The following NTM variants were observed in gnomAD, a reference collection of about 807,000 sequenced individuals.
NTM encodes IgLON family member 2.
NTM carries 13 observed loss-of-function variants against 42.1 expected under a neutral mutation model. The ratio of observed to expected loss-of-function variants is 0.31; its 90% CI spans 0.20 to 0.49. The LOEUF is 0.49. Ranked by LOEUF, NTM falls within the 20% of genes least tolerant of loss-of-function variation. The probability of loss-of-function intolerance (pLI) is 0.99; values close to 1 mark genes in which losing one functional copy is unlikely to be tolerated. For synonymous variants in NTM, 187 were observed against 179.2 expected, an observed-to-expected ratio of 1.04 and a Z score of -0.35; for missense variants, 373 against 452.8, an observed-to-expected ratio of 0.82 and a Z score of 1.60.
intron 4 of NTM, among the ~76,000 whole-genome samples, chr11:132,261,923 C>A (rs567159110): frequency 2.0e-5 from 3 of 152,340 alleles, no homozygotes; most frequent in South Asian, 4.1e-4. Flanking sequence ...CCATCGACAG[C>A]TGCAGATCCA....
At chr11:131,480,038 A>G (rs1275755765) in intron 1 of NTM, among the ~76,000 whole-genome samples, 1 of 151,574 alleles carries the variant, frequency 6.6e-6, no homozygotes, top group Non-Finnish European at 1.5e-5. Flanking sequence ...TCCTAGCTTT[A>G]TTTAAACTTT....
At chr11:131,654,538 T>C (rs1046511705) in intron 1 of NTM, among the ~76,000 whole-genome samples, 1 of 151,898 alleles carries the variant, frequency 6.6e-6, no homozygotes, top group African/African-American at 2.4e-5. Flanking sequence ...TATAGTTGGG[T>C]GTTTGTCCCT....
intron 1 of NTM, among the ~76,000 whole-genome samples, chr11:131,773,691 A>C (rs562523695): frequency 4.6e-4 from 70 of 152,336 alleles, no homozygotes; most frequent in African/African-American, 1.5e-3. Flanking sequence ...GACTGCTTAC[A>C]TTCTGGTATG....
intron 1 of NTM, among the ~76,000 whole-genome samples, chr11:131,838,854 G>T (rs778883503): frequency 6.6e-6 from 1 of 152,108 alleles, no homozygotes; most frequent in Non-Finnish European, 1.5e-5. Context: ...TCTTGGAGGT[G>T]CTTTGAGTGC....
chr11:131,396,089 G>T (rs1944521722), intron 1 of NTM, among the ~76,000 whole-genome samples: 1 of 152,130 alleles, frequency 6.6e-6, no homozygotes, highest in African/African-American at 2.4e-5. Flanking sequence ...GCACTCAAGG[G>T]CAGGCTCCAG....
chr11:132,004,604 TTTCTCTCTC>T (rs1442566191), intron 2 of NTM, among the ~76,000 whole-genome samples: 6 of 83,166 alleles, frequency 7.2e-5, no homozygotes, highest in African/African-American at 1.7e-4. Context: ...TCTTTCTCTC[TTTCTCTCTC>T]TCTCTCTCTC....
At position 132,037,598 on chromosome 11, in the gene NTM, G is replaced by A. The variant is rs2076667125; in HGVS notation, c.168-108684G>A. 2.6e-5 allele frequency among the ~76,000 whole-genome samples: 4 copies of A among 152,110 alleles called. No individual in the cohort carries two copies. The South Asian group carries it at 6.2e-4, about 24-fold the overall frequency. On this transcript the variant is annotated intron_variant, in intron 2 of 8. Coordinates refer to ENST00000683400, the MANE Select transcript of NTM (RefSeq NM_001352005.2). ...TAAGGCTGAAAAACAGAGGTCATGG[G>A]ATGAGGATATTCAGTGTTGTTATCA...
intron 1 of NTM, among the ~76,000 whole-genome samples, chr11:131,712,184 A>C (rs574658301): frequency 1.1e-3 from 159 of 146,274 alleles, no homozygotes; most frequent in African/African-American, 3.6e-3. Flanking sequence ...AAAAAAAAAA[A>C]CAAAAAAAAA....
At position 131,377,007 on chromosome 11, in the gene NTM, A is replaced by G. The variant is rs182501215; in HGVS notation, c.82+6119A>G. 1.3e-3 allele frequency among the ~76,000 whole-genome samples: 197 copies of G among 152,310 alleles called. 2 individuals carry two copies. The highest frequency in any genetic ancestry group is 4.1e-3 in the African/African-American group (171 of 41,586). On this transcript the variant is annotated intron_variant, in intron 1 of 8. Coordinates refer to ENST00000683400, the MANE Select transcript of NTM (RefSeq NM_001352005.2). Reference sequence around the variant, plus strand: ...TCTCTCAGATTTGGTTTGGCTTGGCATCCTTTGTCATAAACGGAAAGCAAC... The same window carrying G: ...TCTCTCAGATTTGGTTTGGCTTGGCGTCCTTTGTCATAAACGGAAAGCAAC...
chr11:131,650,312 A>C (rs2066317316), intron 1 of NTM, among the ~76,000 whole-genome samples: 2 of 152,182 alleles, frequency 1.3e-5, no homozygotes, highest in South Asian at 4.1e-4. Flanking sequence ...GCTAGTCAAG[A>C]GGTGTGGACT....
intron 1 of NTM, among the ~76,000 whole-genome samples, chr11:131,701,024 T>G (rs1426708183): frequency 6.6e-6 from 1 of 152,214 alleles, no homozygotes; most frequent in South Asian, 2.1e-4. Context: ...TTAAACAAGT[T>G]AAAGCATGTA....
At chr11:131,674,081 A>T (rs1035506047) in intron 1 of NTM, among the ~76,000 whole-genome samples, 1 of 152,246 alleles carries the variant, frequency 6.6e-6, no homozygotes, top group East Asian at 1.9e-4. Context: ...AAAAACATAC[A>T]CACACAGCGT....
intron 3 of NTM, among the ~76,000 whole-genome samples, chr11:132,161,633 CT>C (rs551890043): frequency 1.0e-3 from 157 of 152,138 alleles, no homozygotes; most frequent in African/African-American, 3.5e-3. Flanking sequence ...CCCCAACTTT[CT>C]TTGCTTCCTC....
intron 1 of NTM, among the ~76,000 whole-genome samples, chr11:131,449,832 C>T (rs1950349696): frequency 6.6e-6 from 1 of 152,200 alleles, no homozygotes; most frequent in Admixed American, 6.5e-5. Flanking sequence ...TCCCTACGAA[C>T]AGGCTCCACT....
chr11:131,898,337 C>T lies in NTM; in HGVS notation c.83-13227C>T, dbSNP rs61901706. 2.6e-5 allele frequency among the ~76,000 whole-genome samples: 4 copies of T among 152,248 alleles called. No individual in the cohort carries two copies. The South Asian group carries it at 8.3e-4, about 32-fold the overall frequency. ...CTGGCTTTGTGGAAAAACATTGAGA[C>T]GCACAGGCCTAGATATTTTTTACAT... On this transcript the variant is annotated intron_variant, in intron 1 of 8. Coordinates refer to ENST00000683400, the MANE Select transcript of NTM (RefSeq NM_001352005.2).
At chr11:132,305,306 C>T (rs1182577755) in intron 4 of NTM, among the ~76,000 whole-genome samples, 4 of 152,128 alleles carry the variant, frequency 2.6e-5, no homozygotes, top group Non-Finnish European at 4.4e-5. Flanking sequence ...TGTTTGTTTC[C>T]CCGCTTTGGT....
chr11:131,744,817 A>G (rs2081605305), intron 1 of NTM, among the ~76,000 whole-genome samples: 1 of 152,172 alleles, frequency 6.6e-6, no homozygotes, highest in Non-Finnish European at 1.5e-5. Flanking sequence ...CTCAAATCCC[A>G]GTTGTTGTGT....
chr11:131,581,782 A>G (rs1358304961), intron 1 of NTM, among the ~76,000 whole-genome samples: 2 of 152,156 alleles, frequency 1.3e-5, no homozygotes, highest in Non-Finnish European at 2.9e-5. Flanking sequence ...ACTTTGTTTA[A>G]TAAGAGATTT....
At chr11:132,204,275 T>C (rs2081612274) in intron 3 of NTM, among the ~76,000 whole-genome samples, 1 of 152,246 alleles carries the variant, frequency 6.6e-6, no homozygotes, top group Admixed American at 6.5e-5. Flanking sequence ...TTGGGGGCAA[T>C]TTAAAGATCT....
Sources: gnomAD v4.1 joint callset for allele counts (sites outside exome capture counted in the v4.1 genomes callset) on GRCh38, gnomAD v4.1.1 for gene constraint, MANE v1.5 for transcripts, NCBI Gene and HGNC (gene_info 2026-07-23, HGNC 2026-07-21) for gene names.